The following NRG2 variants were observed in gnomAD, a reference collection of about 807,000 sequenced individuals.
NRG2 encodes the protein neuregulin 2.
Under a neutral mutation model 73.9 loss-of-function variants are expected in NRG2, and 27 were observed. The ratio of observed to expected loss-of-function variants is 0.37; its 90% CI spans 0.27 to 0.50. The LOEUF (loss-of-function observed/expected upper bound fraction) is 0.50, where lower values mean the gene tolerates loss of function less well. NRG2 is among the 20% of genes least tolerant of loss of function. The pLI is 0.96. For missense variants in NRG2, 1,126 were observed against 1,210.1 expected (o/e 0.93, Z 1.03); for synonymous variants, 532 against 541.0 (o/e 0.98, Z 0.23).
At chr5:140,024,788 G>A (rs974388786) in intron 1 of NRG2, among the ~76,000 whole-genome samples, 4 of 152,156 alleles carry the variant, frequency 2.6e-5, no homozygotes, top group Non-Finnish European at 4.4e-5. Flanking sequence ...AAATACAGGG[G>A]AAGTCCAGCT....
Position 140,026,986 on chromosome 5 carries a change from TG to T in NRG2, c.700+15383del, listed in dbSNP as rs1283770450. Among the ~76,000 whole-genome samples the T allele has an allele frequency of 2.6e-5, 4 of 152,304 alleles. No individual in the cohort carries two copies. In the East Asian group the frequency reaches 5.8e-4, roughly 22 times the overall value. ...CAAAAGTCCTTCCGTGGGTCTTTTT[TG>T]TTTTTGTTTTTGAGACAGGGTTTCA... On this transcript the variant is annotated intron_variant, in intron 1 of 9. Transcript: ENST00000361474.
At chr5:139,855,953 C>T (rs967063266) in intron 5 of NRG2, among the ~76,000 whole-genome samples, 175 bp from the exon 6 acceptor site, 1 of 152,226 alleles carries the variant, frequency 6.6e-6, no homozygotes, top group African/African-American at 2.4e-5. Flanking sequence ...CTCTGTTTTG[C>T]CTTCCACTTC....
At chr5:139,919,508 T>C (rs142897751) in intron 1 of NRG2, among the ~76,000 whole-genome samples, 13 of 152,114 alleles carry the variant, frequency 8.5e-5, no homozygotes, top group African/African-American at 2.9e-4. Flanking sequence ...TGTTAAGTAA[T>C]GTGGCTAAAT....
In NRG2 at chr5:140,008,679, T is replaced by TAA. The variant is rs779313701; in HGVS notation, c.700+33689_700+33690dup. On this transcript the variant is annotated intron_variant, in intron 1 of 9. Transcript: ENST00000361474. This position sits in a 1 kb window ranked among gnomAD's most constrained non-coding sequence, Gnocchi z 4.2. ...AAATGCCAACTTAAAACCTAGAATA[T>TAA]AAGAGAATGCTTATTTATCCCTCTC... Among the ~76,000 whole-genome samples, 45 of 152,266 alleles carry TAA rather than the reference T, an allele frequency of 3.0e-4. No individual in the cohort carries two copies. Among genetic ancestry groups the TAA allele is most frequent in the Non-Finnish European group, 6.3e-4 (43 of 68,022 alleles).
At position 140,009,004 on chromosome 5, in the gene NRG2, A is replaced by G. The variant is rs563300678; in HGVS notation, c.700+33366T>C. Among the ~76,000 whole-genome samples the G allele has an allele frequency of 2.0e-5, 3 of 152,348 alleles. No homozygotes were observed. The East Asian group carries it at 5.8e-4, about 29-fold the overall frequency. ...CAAAACAATGACATAGCACTAGTGCATATTCAGTAACCATTATTTCTGGCA... is the reference window on the plus strand; with the variant it reads ...CAAAACAATGACATAGCACTAGTGCGTATTCAGTAACCATTATTTCTGGCA... On this transcript the variant is annotated intron_variant, in intron 1 of 9. Coordinates refer to ENST00000361474, the MANE Select transcript of NRG2 (RefSeq NM_004883.3).
intron 1 of NRG2, among the ~76,000 whole-genome samples, chr5:139,914,656 A>C (rs1216447430): frequency 6.6e-6 from 1 of 152,176 alleles, no homozygotes; most frequent in African/African-American, 2.4e-5. Context: ...TGCCCATTAC[A>C]TAACTCTGTT....
chr5:139,987,367 CAAA>C (rs34895532), intron 1 of NRG2, among the ~76,000 whole-genome samples: 46 of 33,220 alleles, frequency 1.4e-3, no homozygotes, highest in African/African-American at 5.5e-3. Context: ...GACTCTGTCT[CAAA>C]AAAAAAAAAA....
chr5:139,848,267 T>C lies in NRG2; in HGVS notation c.2203A>G (p.Arg735Gly). ...PRPRARGASR[R>G]TSAGPRRWRR... is the part of the protein sequence containing the mutation. ...CAGCGCCGGGGCCCCGCCGACGTCCTGCGGGACGCACCGCGCGCGCGCGGC... is the reference window on the plus strand; with the variant it reads ...CAGCGCCGGGGCCCCGCCGACGTCCCGCGGGACGCACCGCGCGCGCGCGGC... The change falls in exon 10 of 10, where the codon AGG (arginine) becomes GGG (glycine). Residue 735 changes from arginine (R) to glycine (G), a missense_variant. Transcript: ENST00000361474. 9.0e-7 allele frequency: 1 copy of C among 1,115,414 alleles called. No homozygotes were observed. The highest frequency in any genetic ancestry group is 1.1e-6 in the Non-Finnish European group (1 of 915,584). 69.1% of individuals were successfully genotyped at this position (1,115,414 alleles called of 1,614,324 possible). A position where few individuals can be genotyped will look rare whatever the true frequency, so the allele number is the denominator to read the frequency against.
At chr5:139,855,219 G>A (rs75457264) in intron 6 of NRG2, among the ~76,000 whole-genome samples, 14,165 of 152,194 alleles carry the variant, frequency 0.093, 678 homozygotes, top group Middle Eastern at 0.14. Context: ...TGTCCTCTCT[G>A]TGTTCCTCCC....
intron 1 of NRG2, among the ~76,000 whole-genome samples, chr5:140,017,609 A>G (rs558833065): frequency 6.6e-6 from 1 of 152,306 alleles, no homozygotes; most frequent in African/African-American, 2.4e-5. Flanking sequence ...GGGCAATGAA[A>G]CATGTACATT....
intron 3 of NRG2, among the ~76,000 whole-genome samples, chr5:139,872,104 G>T (rs529639614): frequency 3.9e-5 from 6 of 152,158 alleles, no homozygotes; most frequent in Admixed American, 6.5e-5. Flanking sequence ...ATTCTTTTGT[G>T]GGGGGAGCAG....
At chr5:140,020,894 A>T (rs990219976) in intron 1 of NRG2, among the ~76,000 whole-genome samples, 1 of 152,192 alleles carries the variant, frequency 6.6e-6, no homozygotes, top group African/African-American at 2.4e-5. Flanking sequence ...GAGTAGGGTG[A>T]GTACATCTCG....
chr5:140,041,508 T>C (rs1383439837), intron 1 of NRG2, among the ~76,000 whole-genome samples: 2 of 152,158 alleles, frequency 1.3e-5, no homozygotes, highest in East Asian at 1.9e-4. Flanking sequence ...TCTAATCACC[T>C]GCATTCCTGT....
Position 139,882,561 on chromosome 5 carries a change from G to T in NRG2, c.873-1587C>A, listed in dbSNP as rs182840748. Among the ~76,000 whole-genome samples, 152 of 152,260 alleles carry T rather than the reference G, an allele frequency of 1.0e-3. 2 individuals carry two copies. Among genetic ancestry groups the T allele is most frequent in the African/African-American group, 3.6e-3 (149 of 41,532 alleles). Reference sequence around the variant, plus strand: ...GTTCCCTTCATTAAAGAGAGCCCTGGAGGCCCCTCTGACTAAGACAGCATC... The same window carrying T: ...GTTCCCTTCATTAAAGAGAGCCCTGTAGGCCCCTCTGACTAAGACAGCATC... On this transcript the variant is annotated intron_variant, in intron 2 of 9. Coordinates refer to ENST00000361474, the MANE Select transcript of NRG2 (RefSeq NM_004883.3).
rs1203278418 is a variant in NRG2 at position 139,851,825 on chromosome 5, C to A, written c.1551G>T (p.Glu517Asp). Residue 517 changes from glutamate (E) to aspartate (D), a missense_variant, in exon 9 of 10, where the codon GAG becomes GAT. This residue lies in a region of NRG2 where 539 missense variants were observed against 703.2 expected (regional missense o/e 0.77). Transcript: ENST00000361474. This position sits in a 1 kb window ranked among gnomAD's most constrained non-coding sequence, Gnocchi z 4.2. ...TATPTSSHRH[E>D]SHTWSLERSE... ...AACGTTCCAGGCTCCACGTGTGGCT[C>A]TCGTGTCTGGGAAGGCCAGATGGGG... 6.2e-7 allele frequency: 1 copy of A among 1,614,098 alleles called. No homozygotes were observed.
At chr5:140,016,059 C>T (rs1204294138) in intron 1 of NRG2, among the ~76,000 whole-genome samples, 3 of 152,094 alleles carry the variant, frequency 2.0e-5, no homozygotes, top group Non-Finnish European at 2.9e-5. Flanking sequence ...CTCCTTATGC[C>T]GAAGTTATGG....
chr5:139,907,476 G>A (rs1287121977), intron 1 of NRG2, among the ~76,000 whole-genome samples: 1 of 152,144 alleles, frequency 6.6e-6, no homozygotes, highest in African/African-American at 2.4e-5. Context: ...ACCTCCTTGT[G>A]GGACAGATAA....
intron 1 of NRG2, among the ~76,000 whole-genome samples, chr5:139,968,715 G>A: frequency 6.6e-6 from 1 of 152,224 alleles, no homozygotes; most frequent in East Asian, 1.9e-4. Flanking sequence ...ACTCCAACAA[G>A]CAACGGCATA....
intron 1 of NRG2, among the ~76,000 whole-genome samples, chr5:140,037,127 T>C (rs1009008975): frequency 2.6e-5 from 4 of 152,230 alleles, no homozygotes; most frequent in Non-Finnish European, 5.9e-5. Context: ...CATTGACAAC[T>C]GCGGTCTCTG....
Sources: gnomAD v4.1 joint callset for allele counts (sites outside exome capture counted in the v4.1 genomes callset) on GRCh38, gnomAD v4.1.1 for gene constraint, gnomAD v4.1.1 regional missense constraint, Gnocchi (gnomAD v3.1) non-coding constraint, MANE v1.5 for transcripts, NCBI Gene and HGNC (gene_info 2026-07-23, HGNC 2026-07-21) for gene names.